Variants in GPR158 observed in about 807,000 individuals in gnomAD.
GPR158 encodes the protein metabotropic glycine receptor.
GPR158 carries 30 observed loss-of-function variants against 78.2 expected under a neutral mutation model. The ratio of observed to expected loss-of-function variants is 0.38; its 90% CI spans 0.29 to 0.52. GPR158 has a LOEUF of 0.52. Ranked by LOEUF, GPR158 falls within the 20% of genes least tolerant of loss-of-function variation. The probability of loss-of-function intolerance (pLI) is 0.83; values close to 1 mark genes in which losing one functional copy is unlikely to be tolerated. For synonymous variants in GPR158, 581 were observed against 591.1 expected (o/e 0.98, Z 0.25); for missense variants, 1,463 against 1,523.5 (o/e 0.96, Z 0.66).
Position 25,597,942 on chromosome 10 carries a change from G to A in GPR158, c.2316G>A (p.Glu772=). 1 of 1,613,894 alleles carries A rather than the reference G, an allele frequency of 6.2e-7. No homozygotes were observed. ...CAGTCAGCCGGCAGTGCTCTAAAGA[G>A]GACAAGGAGGGCGCCGACCATGGCA... ...PETVSRQCSK[E]DKEGADHGTA... The change falls in exon 11 of 11, where the codon GAG becomes GAA. Residue 772 remains glutamate (E), a synonymous_variant. Transcript: ENST00000376351.
chr10:25,332,506 A>G (rs1855140615), intron 2 of GPR158, among the ~76,000 whole-genome samples: 2 of 152,190 alleles, frequency 1.3e-5, no homozygotes, highest in Admixed American at 6.5e-5. Context: ...GAGACATAGA[A>G]CATGGCACAC....
chr10:25,323,053 G>A (rs1854977746), intron 2 of GPR158, among the ~76,000 whole-genome samples: 1 of 152,068 alleles, frequency 6.6e-6, no homozygotes, highest in East Asian at 1.9e-4. Context: ...CACTATGTTA[G>A]CCAGGATGGT....
At chr10:25,317,477 T>A (rs1854870627) in intron 2 of GPR158, among the ~76,000 whole-genome samples, 1 of 151,448 alleles carries the variant, frequency 6.6e-6, no homozygotes, top group Non-Finnish European at 1.5e-5. Context: ...ATTTTTTTCT[T>A]CTATTTCTTT....
intron 5 of GPR158, among the ~76,000 whole-genome samples, chr10:25,492,893 T>A (rs1835829743): frequency 6.7e-6 from 1 of 148,334 alleles, no homozygotes; most frequent in African/African-American, 2.4e-5. Context: ...TAAACAAATA[T>A]TAATATATTA....
intron 2 of GPR158, among the ~76,000 whole-genome samples, chr10:25,301,518 C>G (rs1414017110): frequency 6.6e-6 from 1 of 151,874 alleles, no homozygotes; most frequent in Non-Finnish European, 1.5e-5. Flanking sequence ...AATAAGTGGG[C>G]ACTTATTAGC....
At chr10:25,521,531 C>T (rs1169365732) in intron 5 of GPR158, among the ~76,000 whole-genome samples, 2 of 152,192 alleles carry the variant, frequency 1.3e-5, no homozygotes, top group African/African-American at 4.8e-5. Flanking sequence ...TTTCTGGCAA[C>T]TTAGAGATTT....
At chr10:25,231,164 C>A (rs1354402582) in intron 2 of GPR158, among the ~76,000 whole-genome samples, 1 of 152,148 alleles carries the variant, frequency 6.6e-6, no homozygotes, top group South Asian at 2.1e-4. Flanking sequence ...AGCATTGCCA[C>A]GTTCATTCAA....
At chr10:25,208,821 T>A (rs2130666364) in intron 1 of GPR158, among the ~76,000 whole-genome samples, 1 of 151,700 alleles carries the variant, frequency 6.6e-6, no homozygotes, top group East Asian at 1.9e-4. Flanking sequence ...AGCAGGTCAC[T>A]TCCTGTTTTT....
At chr10:25,522,411 T>G (rs1399318800) in intron 5 of GPR158, among the ~76,000 whole-genome samples, 1 of 152,212 alleles carries the variant, frequency 6.6e-6, no homozygotes, top group East Asian at 1.9e-4. Context: ...TAAAGAGAGA[T>G]ATTCCAGCAG....
intron 5 of GPR158, among the ~76,000 whole-genome samples, chr10:25,545,465 G>C (rs910289381): frequency 6.6e-6 from 1 of 152,196 alleles, no homozygotes; most frequent in Non-Finnish European, 1.5e-5. Context: ...CAGTGATGAT[G>C]AGCGTTGTTT....
At chr10:25,419,537 A>G (rs1296290016) in intron 4 of GPR158, among the ~76,000 whole-genome samples, 1 of 152,172 alleles carries the variant, frequency 6.6e-6, no homozygotes, top group East Asian at 1.9e-4. Context: ...GGATCATATA[A>G]TTCTATGTTT....
At position 25,281,098 on chromosome 10, in the gene GPR158, A is replaced by G. The variant is rs568075991; in HGVS notation, c.1008+59941A>G. 1.3e-4 allele frequency among the ~76,000 whole-genome samples: 19 copies of G among 150,264 alleles called. No individual in the cohort carries two copies. The South Asian group carries it at 3.8e-3, about 30-fold the overall frequency. On this transcript the variant is annotated intron_variant, in intron 2 of 10. Transcript: ENST00000376351. ...TGCAGTGAGCCAAGATTACACCACT[A>G]TACTCCAGCCTGGGCAACAAGAGTG...
At chr10:25,492,967 A>T (rs1466431857) in intron 5 of GPR158, among the ~76,000 whole-genome samples, 1 of 151,434 alleles carries the variant, frequency 6.6e-6, no homozygotes, top group Non-Finnish European at 1.5e-5. Context: ...CCTTTTCAAT[A>T]TTTGAAAATG....
At chr10:25,256,904 C>T (rs1330821377) in intron 2 of GPR158, among the ~76,000 whole-genome samples, 2 of 151,928 alleles carry the variant, frequency 1.3e-5, no homozygotes, top group African/African-American at 2.4e-5. Flanking sequence ...TAACAGGATA[C>T]GTTTAGATAG....
intron 2 of GPR158, among the ~76,000 whole-genome samples, chr10:25,299,838 T>G (rs1433701870): frequency 6.6e-6 from 1 of 152,166 alleles, no homozygotes; most frequent in African/African-American, 2.4e-5. Context: ...TTATTTTTAT[T>G]TTTTTTGAGT....
intron 2 of GPR158, chr10:25,393,512 A>G (rs930483830): frequency 2.0e-5 from 3 of 152,164 alleles, no homozygotes; most frequent in Non-Finnish European, 4.4e-5. Flanking sequence ...ATGATACCCC[A>G]TTGAATTGCT....
At chr10:25,523,930 C>T (rs918899548) in intron 5 of GPR158, among the ~76,000 whole-genome samples, 7 of 151,712 alleles carry the variant, frequency 4.6e-5, no homozygotes, top group Admixed American at 3.3e-4. Context: ...AGAGAGAAAA[C>T]TCTAAGGAAT....
At chr10:25,271,377 A>G (rs1217156821) in intron 2 of GPR158, among the ~76,000 whole-genome samples, 3 of 152,082 alleles carry the variant, frequency 2.0e-5, no homozygotes, top group African/African-American at 4.8e-5. Context: ...TCTACCCCCA[A>G]TTTTATCTTT....
chr10:25,511,042 T>C (rs1349903553), intron 5 of GPR158, among the ~76,000 whole-genome samples: 1 of 152,184 alleles, frequency 6.6e-6, no homozygotes. Flanking sequence ...AATGACTTCT[T>C]TTTTTCTGGG....
Sources: allele counts gnomAD v4.1 joint callset (sites outside exome capture counted in the v4.1 genomes callset), GRCh38; gene constraint gnomAD v4.1.1; transcripts MANE v1.5; gene names NCBI Gene and HGNC (gene_info 2026-07-23, HGNC 2026-07-21).